FARP1: variants seen among roughly 807,000 people sequenced by gnomAD.
FARP1 encodes FERM, ARH/RhoGEF and pleckstrin domain protein 1, also known as FERM, ARHGEF and pleckstrin domain-containing protein 1.
Under a neutral mutation model 128.8 loss-of-function variants are expected in FARP1, and 52 were observed. The ratio of observed to expected loss-of-function variants is 0.40; its 90% CI spans 0.32 to 0.51. FARP1 has a LOEUF of 0.51. Among genes scored for constraint, FARP1 ranks in the 20% least tolerant of loss-of-function variants. The probability of loss-of-function intolerance (pLI) is 0.45; values close to 1 mark genes in which losing one functional copy is unlikely to be tolerated. For synonymous variants in FARP1, 580 were observed against 551.8 expected (o/e 1.05, Z -0.72); for missense variants, 1,333 against 1,367.9 (o/e 0.97, Z 0.40).
At chr13:98,218,754 T>A (rs1284980591) in intron 2 of FARP1, among the ~76,000 whole-genome samples, 1 of 152,158 alleles carries the variant, frequency 6.6e-6, no homozygotes, top group Admixed American at 6.6e-5. Flanking sequence ...CTCACTGCAC[T>A]CCATGCTGCA....
chr13:98,174,805 C>A (rs1285624613), intron 1 of FARP1, among the ~76,000 whole-genome samples: 5 of 152,120 alleles, frequency 3.3e-5, no homozygotes, highest in Non-Finnish European at 5.9e-5. Context: ...CAAAACAACC[C>A]TGTGAGATAC....
In FARP1 at chr13:98,429,250, G is replaced by A. The variant is rs541846725; in HGVS notation, c.1906-1793G>A. 9.7e-4 allele frequency among the ~76,000 whole-genome samples: 147 copies of A among 152,212 alleles called. 1 individual carries two copies. Among genetic ancestry groups the A allele is most frequent in the Non-Finnish European group, 1.6e-3 (109 of 68,044 alleles). ...GGCCCCGGAGTAACCCCGAGGGATG[G>A]GGGGTCCTCAGCAGGGGTCACTGTG... On this transcript the variant is annotated intron_variant, in intron 17 of 26. Coordinates refer to ENST00000319562, the MANE Select transcript of FARP1 (RefSeq NM_005766.4).
At chr13:98,233,346 ACACT>A (rs969575097) in intron 2 of FARP1, among the ~76,000 whole-genome samples, 33 of 152,036 alleles carry the variant, frequency 2.2e-4, no homozygotes, top group African/African-American at 7.5e-4. Flanking sequence ...CCTGAATTAG[ACACT>A]CAGTCACTGG....
intron 2 of FARP1, among the ~76,000 whole-genome samples, chr13:98,258,311 A>G (rs1012319580): frequency 3.9e-5 from 6 of 152,158 alleles, no homozygotes; most frequent in African/African-American, 1.4e-4. Context: ...TAAAGAAAAA[A>G]CATAAATAGA....
chr13:98,299,215 AC>A (rs1405431568), intron 2 of FARP1, among the ~76,000 whole-genome samples: 1 of 152,250 alleles, frequency 6.6e-6, no homozygotes, highest in Non-Finnish European at 1.5e-5. Context: ...TGCAGAAGTA[AC>A]CATTGTTACA....
At chr13:98,303,431 T>C (rs1051274416) in intron 2 of FARP1, among the ~76,000 whole-genome samples, 2 of 152,218 alleles carry the variant, frequency 1.3e-5, no homozygotes, top group African/African-American at 4.8e-5. Context: ...TTATTTAAAC[T>C]GGATTTTGTT....
intron 2 of FARP1, among the ~76,000 whole-genome samples, chr13:98,317,109 A>C (rs562202964): frequency 6.6e-6 from 1 of 151,954 alleles, no homozygotes; most frequent in East Asian, 1.9e-4. Context: ...TCCAGCTGCC[A>C]CTCCCTATTT....
At chr13:98,248,228 G>GA (rs1430643091) in intron 2 of FARP1, among the ~76,000 whole-genome samples, 2 of 151,376 alleles carry the variant, frequency 1.3e-5, no homozygotes, top group Admixed American at 1.3e-4. Context: ...GAAAAATAGT[G>GA]AACCAGTTCT....
chr13:98,426,889 C>T (rs548317674), intron 17 of FARP1, among the ~76,000 whole-genome samples: 7 of 152,284 alleles, frequency 4.6e-5, no homozygotes, highest in Admixed American at 1.3e-4. Flanking sequence ...CTGAAGTTAA[C>T]GTATTTTATC....
At chr13:98,303,494 C>G (rs1886005355) in intron 2 of FARP1, among the ~76,000 whole-genome samples, 1 of 152,146 alleles carries the variant, frequency 6.6e-6, no homozygotes, top group African/African-American at 2.4e-5. Flanking sequence ...TATGAGGGAA[C>G]TTGGTCCTCG....
At chr13:98,390,159 C>T (rs201649540) in intron 10 of FARP1, 39 bp downstream of exon 10, 6 of 1,593,190 alleles carry the variant, frequency 3.8e-6, no homozygotes, top group Middle Eastern at 1.8e-4. Context: ...GCTGGGTGCA[C>T]GTTTTTCCTC....
At chr13:98,446,859 A>T in intron 26 of FARP1, 42 bp downstream of exon 26, 2 of 1,595,718 alleles carry the variant, frequency 1.3e-6, no homozygotes, top group Admixed American at 3.4e-5. Flanking sequence ...GCAGAAGAGG[A>T]CCCCCTCTTC....
In FARP1 at chr13:98,395,364, C is replaced by T. The variant is rs754177415; in HGVS notation, c.1302C>T (p.Pro434=). ...SHPSPAPRRS[P]AGNKQADGAA... Reference sequence around the variant, plus strand: ...CGAGCCCTGCGCCGAGGAGAAGCCCCGCGGGTAACAAGCAGGCGGACGGAG... The same window carrying T: ...CGAGCCCTGCGCCGAGGAGAAGCCCTGCGGGTAACAAGCAGGCGGACGGAG... Residue 434 remains proline, a synonymous_variant, in exon 13 of 27, where the codon CCC becomes CCT. Coordinates refer to ENST00000319562, the MANE Select transcript of FARP1 (RefSeq NM_005766.4). 1.3e-4 allele frequency: 217 copies of T among 1,611,712 alleles called. No homozygotes were observed. Among genetic ancestry groups the T allele is most frequent in the Non-Finnish European group, 3.1e-5 (37 of 1,179,124 alleles).
intron 19 of FARP1, among the ~76,000 whole-genome samples, chr13:98,436,481 C>T (rs141391375): frequency 6.6e-6 from 1 of 152,212 alleles, no homozygotes; most frequent in African/African-American, 2.4e-5. Context: ...TCACCCAGGT[C>T]GAGAGACAAC....
intron 1 of FARP1, among the ~76,000 whole-genome samples, chr13:98,155,956 T>C (rs1876470735): frequency 6.6e-6 from 1 of 152,234 alleles, no homozygotes; most frequent in Admixed American, 6.5e-5. Context: ...CATTGAGTGC[T>C]GTCTTGGAAG....
At chr13:98,339,863 A>G (rs1217372524) in intron 2 of FARP1, among the ~76,000 whole-genome samples, 1 of 152,132 alleles carries the variant, frequency 6.6e-6, no homozygotes, top group Non-Finnish European at 1.5e-5. Context: ...TCATCGTTTC[A>G]CTTGTCTCTG....
At chr13:98,146,395 A>AT (rs1875563187) in intron 1 of FARP1, among the ~76,000 whole-genome samples, 1 of 151,972 alleles carries the variant, frequency 6.6e-6, no homozygotes, top group African/African-American at 2.4e-5. Flanking sequence ...TGCCCAACTA[A>AT]TTTTCTGTTT....
rs34250002 is a variant in FARP1, at chr13:98,151,660, C to CTTTTTTTTTTT, written c.-24+8177_-24+8187dup. Among the ~76,000 whole-genome samples the CTTTTTTTTTTT allele has an allele frequency of 3.2e-3, 221 of 69,208 alleles. 67 individuals are homozygous for CTTTTTTTTTTT. The highest frequency in any genetic ancestry group is 0.022 in the East Asian group (40 of 1,782). The allele number at this position is 69,208 out of a possible 152,430, so 45.4% of individuals were successfully genotyped here. A position where few individuals can be genotyped will look rare whatever the true frequency, so the allele number is the denominator to read the frequency against. On this transcript the variant is annotated intron_variant, in intron 1 of 26. Transcript: ENST00000319562. Reference sequence around the variant, plus strand: ...AAACCTGCCCTTATATATCTTCCATCTTTTTTTTTTTTTTTTTTTGAGACG... The same window carrying CTTTTTTTTTTT: ...AAACCTGCCCTTATATATCTTCCATCTTTTTTTTTTTTTTTTTTTTTTTTTTTTTTGAGACG...
chr13:98,352,403 C>T (rs546316382), intron 3 of FARP1, among the ~76,000 whole-genome samples: 4 of 152,110 alleles, frequency 2.6e-5, no homozygotes, highest in African/African-American at 4.8e-5. Context: ...CCCCTTGAGA[C>T]GGGCCATCAC....
Sources: allele counts gnomAD v4.1 joint callset (sites outside exome capture counted in the v4.1 genomes callset), GRCh38; gene constraint gnomAD v4.1.1; transcripts MANE v1.5; gene names NCBI Gene and HGNC (gene_info 2026-07-23, HGNC 2026-07-21).